The following EDEM2 variants were observed in gnomAD, a reference collection of about 807,000 sequenced individuals.
The protein encoded by EDEM2 is ER degradation enhancing alpha-mannosidase like protein 2.
EDEM2 carries 39 observed loss-of-function variants against 64.8 expected under a neutral mutation model. The ratio of observed to expected loss-of-function variants is 0.60; its 90% CI spans 0.47 to 0.79. EDEM2 has a LOEUF of 0.79. Among genes scored for constraint, EDEM2 ranks in the 30% least tolerant of loss-of-function variants. The probability of loss-of-function intolerance (pLI) is 0.00; values close to 1 mark genes in which losing one functional copy is unlikely to be tolerated. For synonymous variants in EDEM2, 296 were observed against 291.5 expected (o/e 1.02, Z -0.16); for missense variants, 609 against 731.3 (o/e 0.83, Z 1.93).
intron 9 of EDEM2, among the ~76,000 whole-genome samples, chr20:35,120,593 CT>C (rs5841194): frequency 0.54 from 50,553 of 93,858 alleles, 11,455 homozygotes; most frequent in Admixed American, 0.65. Context: ...TCGGCTTCTT[CT>C]TTTTTTTTTT....
intron 5 of EDEM2, among the ~76,000 whole-genome samples, chr20:35,136,899 G>A (rs1002329841): frequency 2.0e-5 from 3 of 152,158 alleles, no homozygotes; most frequent in African/African-American, 7.2e-5. Context: ...ACAGTGTACA[G>A]TTGATGCTAC....
chr20:35,143,121 C>A (rs1047287431), intron 3 of EDEM2, among the ~76,000 whole-genome samples: 1 of 152,148 alleles, frequency 6.6e-6, no homozygotes, highest in Non-Finnish European at 1.5e-5. Context: ...GAAAACAGAA[C>A]AGGTTGGTTG....
intron 4 of EDEM2, among the ~76,000 whole-genome samples, chr20:35,141,398 A>G (rs2085652272): frequency 6.6e-6 from 1 of 152,218 alleles, no homozygotes; most frequent in South Asian, 2.1e-4. Flanking sequence ...ATAAAGGTAT[A>G]AGAATGACCT....
chr20:35,147,273 C>T lies in EDEM2; in HGVS notation c.-15G>A. The T allele has an allele frequency of 2.6e-6, 4 of 1,512,458 alleles. No homozygotes were observed. The highest frequency in any genetic ancestry group is 3.5e-6 in the Non-Finnish European group (4 of 1,127,382). The allele number at this position is 1,512,458 out of a possible 1,614,324, so 93.7% of individuals were successfully genotyped here. On this transcript the variant is annotated 5_prime_UTR_variant, in exon 1 of 11. Transcript: ENST00000374492. ...CGGAAAGGCATAGAGCTCGTGTCCT[C>T]TCAGCGCCCCCGCAGCAGCAGCAGC...
At chr20:35,123,365 G>A (rs1465237075) in intron 9 of EDEM2, among the ~76,000 whole-genome samples, 2 of 152,158 alleles carry the variant, frequency 1.3e-5, no homozygotes, top group African/African-American at 4.8e-5. Flanking sequence ...GGCCAAGGTG[G>A]GCGGATCACC....
At position 35,146,837 on chromosome 20, in the gene EDEM2, T is replaced by C. The variant is rs747759037; in HGVS notation, c.206A>G (p.Asp69Gly). ...ELRPLTCDGHDTWGSFSLTLI... is the reference protein window; with the variant it reads ...ELRPLTCDGHGTWGSFSLTLI... ...CCGCTCGCACTACCTGCCCCAGGTG[T>C]CGTGCCCGTCACAGGTGAGAGGTCG... The change falls in exon 2 of 11, where the codon GAC (aspartate) becomes GGC (glycine). Residue 69 changes from aspartate (D) to glycine (G), a missense_variant. Coordinates refer to ENST00000374492, the MANE Select transcript of EDEM2 (RefSeq NM_018217.3). 7 of 1,613,924 alleles carry C rather than the reference T, an allele frequency of 4.3e-6. No homozygotes were observed. In the Admixed American group the frequency reaches 1.2e-4, roughly 27 times the overall value.
intron 6 of EDEM2, chr20:35,134,042 G>C (rs2085541858): frequency 2.2e-6 from 1 of 454,696 alleles, no homozygotes; most frequent in Non-Finnish European, 4.4e-6. Context: ...GTTATGTCCT[G>C]GATGGCTTTG....
chr20:35,116,470 G>T (rs574896020), intron 10 of EDEM2, among the ~76,000 whole-genome samples: 9 of 152,202 alleles, frequency 5.9e-5, no homozygotes, highest in Non-Finnish European at 4.4e-5. Flanking sequence ...CTGCCTTTCT[G>T]TCCTGAGCTA....
Position 35,115,408 on chromosome 20 carries a change from T to A in EDEM2, c.*25A>T. The A allele has an allele frequency of 6.3e-7, 1 of 1,585,596 alleles. No individual in the cohort carries two copies. The highest frequency in any genetic ancestry group is 8.6e-7 in the Non-Finnish European group (1 of 1,169,308). ...TTATTATAGTTTAGCCTCAAAAAAA[T>A]AAAAATAAAAAAATTATCCAGTGGT... On this transcript the variant is annotated 3_prime_UTR_variant, in exon 11 of 11. Coordinates refer to ENST00000374492, the MANE Select transcript of EDEM2 (RefSeq NM_018217.3).
chr20:35,146,493 T>C (rs1204529367), intron 2 of EDEM2, among the ~76,000 whole-genome samples: 2 of 152,134 alleles, frequency 1.3e-5, no homozygotes, highest in South Asian at 4.1e-4. Flanking sequence ...ACCTACATAA[T>C]GAAAGGGGTG....
intron 3 of EDEM2, among the ~76,000 whole-genome samples, chr20:35,144,209 C>T (rs2085697855): frequency 6.6e-6 from 1 of 151,406 alleles, no homozygotes; most frequent in Non-Finnish European, 1.5e-5. Context: ...GTGCCCATCC[C>T]TAAGCATCAG....
chr20:35,119,193 T>C (rs1352483013), intron 9 of EDEM2, among the ~76,000 whole-genome samples: 1 of 152,218 alleles, frequency 6.6e-6, no homozygotes, highest in Non-Finnish European at 1.5e-5. Context: ...TTTTTTTTCC[T>C]GTCACTCAGA....
chr20:35,115,804 C>G lies in EDEM2; in HGVS notation c.1366G>C (p.Ala456Pro). 6.2e-7 allele frequency: 1 copy of G among 1,613,636 alleles called. No individual in the cohort carries two copies. Among genetic ancestry groups the G allele is most frequent in the East Asian group, 2.2e-5 (1 of 44,864 alleles). Residue 456 changes from alanine (A) to proline (P), a missense_variant, in exon 11 of 11, where the codon GCG (alanine) becomes CCG (proline). Coordinates refer to ENST00000374492, the MANE Select transcript of EDEM2 (RefSeq NM_018217.3). ...CACTCCCCATAGGGGGTGATCACCG[C>G]GTCGAAGGTGGACCCATTGTTGTGG... ...FIHNNGSTFDAVITPYGECIL... is the reference protein window; with the variant it reads ...FIHNNGSTFDPVITPYGECIL...
At chr20:35,129,891 C>A (rs1187872998) in intron 7 of EDEM2, among the ~76,000 whole-genome samples, 1 of 152,098 alleles carries the variant, frequency 6.6e-6, no homozygotes. Flanking sequence ...CACCATATAG[C>A]CTAGGTGTGT....
intron 2 of EDEM2, among the ~76,000 whole-genome samples, chr20:35,145,536 A>G (rs1383973253): frequency 6.6e-6 from 1 of 152,230 alleles, no homozygotes; most frequent in African/African-American, 2.4e-5. Context: ...AATTGTTTTT[A>G]ATGAAAAAGT....
Position 35,138,756 on chromosome 20 carries a change from A to AT in EDEM2, c.365-752dup, listed in dbSNP as rs745885368. ...CACCATGCCCGGCTAATTTTTTTGG[A>AT]TTTTTTTTTTGTAGACACGGTGTTT... On this transcript the variant is annotated intron_variant, in intron 4 of 10. Transcript: ENST00000374492. Among the ~76,000 whole-genome samples, 1,026 of 145,182 alleles carry AT rather than the reference A, an allele frequency of 7.1e-3. 7 individuals are homozygous for AT. The highest frequency in any genetic ancestry group is 0.021 in the African/African-American group (833 of 39,602).
chr20:35,117,502 C>A (rs963054502), intron 10 of EDEM2, among the ~76,000 whole-genome samples: 1 of 152,078 alleles, frequency 6.6e-6, no homozygotes, highest in African/African-American at 2.4e-5. Flanking sequence ...CTAGGAAGGC[C>A]CCAGTGGGCT....
Position 35,137,827 on chromosome 20 carries a change from G to C in EDEM2, c.490+53C>G. The C allele has an allele frequency of 1.9e-6, 3 of 1,587,110 alleles. No homozygotes were observed. In the South Asian group the frequency reaches 3.4e-5, roughly 18 times the overall value. On this transcript the variant is annotated intron_variant, in intron 5 of 10. Coordinates refer to ENST00000374492, the MANE Select transcript of EDEM2 (RefSeq NM_018217.3). The stretch of plus-strand genomic sequence containing the variant: ...CACTGCCACTCTCATCTTCAGCAAG[G>C]GAAGCAGGACCTACTGGACTTCGTC...
Position 35,147,266 on chromosome 20 carries a change from G to C in EDEM2, c.-8C>G, listed in dbSNP as rs375052030. ...GAGCAGCCGGAAAGGCATAGAGCTC[G>C]TGTCCTCTCAGCGCCCCCGCAGCAG... On this transcript the variant is annotated 5_prime_UTR_variant, in exon 1 of 11. Coordinates refer to ENST00000374492, the MANE Select transcript of EDEM2 (RefSeq NM_018217.3). The C allele has an allele frequency of 1.3e-6, 2 of 1,538,388 alleles. No homozygotes were observed. Among genetic ancestry groups the C allele is most frequent in the East Asian group, 2.4e-5 (1 of 42,340 alleles).
Sources: gnomAD v4.1 joint callset for allele counts (sites outside exome capture counted in the v4.1 genomes callset) on GRCh38, gnomAD v4.1.1 for gene constraint, MANE v1.5 for transcripts, NCBI Gene and HGNC (gene_info 2026-07-23, HGNC 2026-07-21) for gene names.